CD300A: variants seen among roughly 807,000 people sequenced by gnomAD.
The protein encoded by CD300A is CMRF35-like molecule 8.
CD300A carries 22 observed loss-of-function variants against 33.6 expected under a neutral mutation model. The ratio of observed to expected loss-of-function variants is 0.66; its 90% CI spans 0.47 to 0.94. The LOEUF (loss-of-function observed/expected upper bound fraction) is 0.94. CD300A is among the 40% of genes least tolerant of loss of function. CD300A has a pLI of 0.00. For missense variants in CD300A, 326 were observed against 360.5 expected (o/e 0.90, Z 0.77); for synonymous variants, 136 against 148.1 (o/e 0.92, Z 0.59).
intron 1 of CD300A, among the ~76,000 whole-genome samples, chr17:74,472,158 AAC>A (rs1906146453): frequency 6.6e-6 from 1 of 151,686 alleles, no homozygotes; most frequent in African/African-American, 2.4e-5. Flanking sequence ...GAATCGCTTG[AAC>A]CCGGGAGGCA....
At chr17:74,476,842 T>G (rs1036840432) in intron 3 of CD300A, among the ~76,000 whole-genome samples, 1 of 152,206 alleles carries the variant, frequency 6.6e-6, no homozygotes, top group African/African-American at 2.4e-5. Context: ...TAAGATGTAT[T>G]GCTAAGTAAA....
intron 5 of CD300A, 160 bp downstream of exon 5, chr17:74,481,486 G>A (rs1416129928): frequency 4.2e-6 from 3 of 712,858 alleles, no homozygotes; most frequent in African/African-American, 1.8e-5. Flanking sequence ...ACTAGGTCTT[G>A]TTCTGAGTCC....
chr17:74,483,790 T>C (rs1907075658), intron 6 of CD300A, among the ~76,000 whole-genome samples: 1 of 152,170 alleles, frequency 6.6e-6, no homozygotes, highest in African/African-American at 2.4e-5. Flanking sequence ...CTCCTGCCTC[T>C]GATGCTGGGG....
rs745758741 is a variant in CD300A at position 74,473,551 on chromosome 17, G to A, written c.56G>A (p.Ser19Asn). Residue 19 changes from serine to asparagine, a missense_variant, in exon 2 of 7, where the codon AGC becomes AAC. Transcript: ENST00000360141. ...LLWVPGCFAL[S>N]KCRTVAGPVG... ...TGTTTTCCAGGATGTTTTGCTCTGA[G>A]CAAATGCAGGACCGTGGCGGGCCCC... is the stretch of plus-strand genomic sequence containing the variant. The A allele has an allele frequency of 6.2e-7, 1 of 1,613,208 alleles. No homozygotes were observed. Among genetic ancestry groups the A allele is most frequent in the Admixed American group, 1.7e-5 (1 of 59,962 alleles).
In CD300A at chr17:74,481,308, G is replaced by A. The variant is rs1052386810; in HGVS notation, c.648G>A (p.Leu216=). 2.5e-6 allele frequency: 4 copies of A among 1,613,866 alleles called. No homozygotes were observed. In the African/African-American group the frequency reaches 4.0e-5, roughly 16 times the overall value. ...KWIKAGDHSE[L]SQNPKQAATQ... ...CTCTAGCTGGTGACCATTCAGAGCT[G>A]TCCCAGAACCCCAAGCAGGTAAGGG... The change falls in exon 5 of 7, where the codon CTG becomes CTA. Residue 216 remains leucine (L), a synonymous_variant. Coordinates refer to ENST00000360141, the MANE Select transcript of CD300A (RefSeq NM_007261.4).
At chr17:74,476,541 G>T (rs1906473954) in intron 3 of CD300A, among the ~76,000 whole-genome samples, 1 of 152,190 alleles carries the variant, frequency 6.6e-6, no homozygotes, top group Admixed American at 6.5e-5. Flanking sequence ...CTAAGAAAAA[G>T]ATGAGAAAAT....
At position 74,477,478 on chromosome 17, in the gene CD300A, G is replaced by A; in HGVS notation, c.576G>A (p.Leu192=). Residue 192 remains leucine, a synonymous_variant, in exon 4 of 7, where the codon CTG becomes CTA. Transcript: ENST00000360141. ...LLSLLALLLL[L]LVGASLLAWR... ...CCCTGCTGGCATTGTTGCTGCTTCT[G>A]TTGGTGGGGGCCTCCCTGCTAGCCT... The A allele has an allele frequency of 6.2e-7, 1 of 1,613,678 alleles. No individual in the cohort carries two copies. The highest frequency in any genetic ancestry group is 1.1e-5 in the South Asian group (1 of 91,064).
intron 6 of CD300A, among the ~76,000 whole-genome samples, 179 bp from the exon 7 acceptor site, chr17:74,483,822 A>T (rs969920764): frequency 6.6e-6 from 1 of 152,120 alleles, no homozygotes; most frequent in Non-Finnish European, 1.5e-5. Flanking sequence ...CTGCTTGCCC[A>T]GTTGGGGAGG....
chr17:74,484,411 A>C lies in CD300A; in HGVS notation c.*285A>C, dbSNP rs917129452. On this transcript the variant is annotated 3_prime_UTR_variant, in exon 7 of 7. Transcript: ENST00000360141. ...TGCTTCATCCCAGCTCTGTGTGTGG[A>C]GGACAAAGCTTCTTCCTGCGTGGCT... The C allele has an allele frequency of 3.1e-5, 8 of 259,846 alleles. No homozygotes were observed. Among genetic ancestry groups the C allele is most frequent in the African/African-American group, 1.8e-4 (8 of 45,370 alleles). 16.1% of individuals were successfully genotyped at this position (259,846 alleles called of 1,614,324 possible). A position where few individuals can be genotyped will look rare whatever the true frequency, so the allele number is the denominator to read the frequency against.
At chr17:74,475,272 C>T (rs1419922485) in intron 3 of CD300A, among the ~76,000 whole-genome samples, 2 of 152,174 alleles carry the variant, frequency 1.3e-5, no homozygotes, top group East Asian at 3.9e-4. Context: ...AAACCACCCC[C>T]ATGATTCAGT....
chr17:74,482,027 G>A (rs1906891490), intron 6 of CD300A, among the ~76,000 whole-genome samples, 194 bp downstream of exon 6: 1 of 152,040 alleles, frequency 6.6e-6, no homozygotes, highest in African/African-American at 2.4e-5. Flanking sequence ...GTGTCATTGT[G>A]GTGGGGGGTT....
chr17:74,469,844 A>T, intron 1 of CD300A: 1 of 489,396 alleles, frequency 2.0e-6, no homozygotes, highest in Non-Finnish European at 2.6e-6. Context: ...GAAATAAAAT[A>T]ATTAATCATT....
chr17:74,483,092 G>C (rs185301902), intron 6 of CD300A, among the ~76,000 whole-genome samples: 1 of 152,136 alleles, frequency 6.6e-6, no homozygotes, highest in African/African-American at 2.4e-5. Context: ...CCACGAAGCT[G>C]CATGGCCTGG....
chr17:74,471,403 A>C (rs984874482), intron 1 of CD300A, among the ~76,000 whole-genome samples: 1 of 152,190 alleles, frequency 6.6e-6, no homozygotes, highest in African/African-American at 2.4e-5. Flanking sequence ...AAAAAGTTTA[A>C]TATCAGCCAT....
In CD300A at chr17:74,480,770, CAG is replaced by C. The variant is rs1422663143; in HGVS notation, c.629-516_629-515del. Among the ~76,000 whole-genome samples, 1 of 152,096 alleles carries C rather than the reference CAG, an allele frequency of 6.6e-6. No individual in the cohort carries two copies. The highest frequency in any genetic ancestry group is 2.4e-5 in the African/African-American group (1 of 41,400). Reference sequence around the variant, plus strand: ...TTCTTTCTTTTTTTCGTTTTTGAGACAGAGTCTTGCTCTGTTGCCCAGGCTGG... The same window carrying C: ...TTCTTTCTTTTTTTCGTTTTTGAGACAGTCTTGCTCTGTTGCCCAGGCTGG... On this transcript the variant is annotated intron_variant, in intron 4 of 6. Transcript: ENST00000360141. This position sits in a 1 kb window ranked among gnomAD's most constrained non-coding sequence, Gnocchi z 4.2.
At chr17:74,470,314 T>C in intron 1 of CD300A, 2 of 869,878 alleles carry the variant, frequency 2.3e-6, no homozygotes, top group South Asian at 5.3e-5. Flanking sequence ...CCCTCACAGG[T>C]GGAACAGAGC....
At chr17:74,481,259 TCAAC>T in intron 4 of CD300A, 26 bp from the exon 5 acceptor site, 1 of 1,612,884 alleles carries the variant, frequency 6.2e-7, no homozygotes. Flanking sequence ...GTTCCGGGAT[TCAAC>T]CTCCTTCCTC....
chr17:74,473,959 A>AGTGTGTGT (rs146853349), intron 2 of CD300A, 85 bp downstream of exon 2: 14 of 1,412,022 alleles, frequency 9.9e-6, no homozygotes, highest in African/African-American at 7.2e-5. Context: ...TGAAGCAGAC[A>AGTGTGTGT]GTGTGTGTGT....
chr17:74,483,902 C>T, intron 6 of CD300A, 99 bp from the exon 7 acceptor site: 2 of 1,421,862 alleles, frequency 1.4e-6, no homozygotes, highest in South Asian at 2.6e-5. Flanking sequence ...TGAGGCCTCC[C>T]CAAAGCCCCT....
Sources: gnomAD v4.1 joint callset for allele counts (sites outside exome capture counted in the v4.1 genomes callset) on GRCh38, gnomAD v4.1.1 for gene constraint, Gnocchi (gnomAD v3.1) non-coding constraint, MANE v1.5 for transcripts, NCBI Gene and HGNC (gene_info 2026-07-23, HGNC 2026-07-21) for gene names.